Variants in DDI2 observed in about 807,000 individuals in gnomAD.
The protein encoded by DDI2 is DDI proteasomal shuttling factor 2.
In DDI2, 5 loss-of-function variants were observed where a neutral mutation model predicts 48.1. That is an observed-to-expected ratio of 0.10 (90% CI 0.05 to 0.22). The LOEUF is 0.22. Ranked by LOEUF, DDI2 falls within the 10% of genes least tolerant of loss-of-function variation. DDI2 has a pLI of 1.00. For synonymous variants in DDI2, 205 were observed against 183.6 expected (o/e 1.12, Z -0.94); for missense variants, 285 against 506.2 (o/e 0.56, Z 4.19).
rs1453524299 is a variant in DDI2 at position 15,668,883 on chromosome 1, A to G, written c.*9093A>G. On this transcript the variant is annotated 3_prime_UTR_variant, in exon 10 of 10. Transcript: ENST00000480945. The stretch of plus-strand genomic sequence containing the variant: ...ACCTGTCTGAAACTGAGTGAGCTAG[A>G]TGCATTTGGGTTTGAATTTTTGTCA... 1 of 152,218 alleles carries G rather than the reference A, an allele frequency of 6.6e-6. No homozygotes were observed. The highest frequency in any genetic ancestry group is 1.5e-5 in the Non-Finnish European group (1 of 68,042). 9.4% of individuals were successfully genotyped at this position (152,218 alleles called of 1,614,324 possible). A position where few individuals can be genotyped will look rare whatever the true frequency, so the allele number is the denominator to read the frequency against.
chr1:15,651,632 G>T (rs1640185170), intron 7 of DDI2, 74 bp from the exon 8 acceptor site: 1 of 1,428,756 alleles, frequency 7.0e-7, no homozygotes, highest in Non-Finnish European at 9.4e-7. Context: ...TGTGATTGGA[G>T]TTTTAAATTA....
chr1:15,623,717 T>G (rs1557611806), intron 1 of DDI2, among the ~76,000 whole-genome samples: 1 of 152,104 alleles, frequency 6.6e-6, no homozygotes, highest in Non-Finnish European at 1.5e-5. Context: ...AGGATCATTT[T>G]GATTCTCCTG....
intron 1 of DDI2, among the ~76,000 whole-genome samples, chr1:15,619,649 G>C (rs546347170): frequency 6.6e-6 from 1 of 150,642 alleles, no homozygotes; most frequent in South Asian, 2.1e-4. Context: ...TTTTAGTAGA[G>C]AAGGGGTTTC....
At chr1:15,640,966 C>T (rs931714528) in intron 5 of DDI2, among the ~76,000 whole-genome samples, 11 of 152,106 alleles carry the variant, frequency 7.2e-5, no homozygotes, top group Non-Finnish European at 2.9e-5. Flanking sequence ...GACCATTTTA[C>T]AGGAGGGTCA....
intron 1 of DDI2, among the ~76,000 whole-genome samples, chr1:15,618,504 T>A (rs1404301242): frequency 1.3e-5 from 2 of 152,184 alleles, no homozygotes; most frequent in African/African-American, 2.4e-5. Flanking sequence ...GAAGGCCCTT[T>A]TTCTTTCAGG....
chr1:15,623,386 TC>T (rs1433220859), intron 1 of DDI2, among the ~76,000 whole-genome samples: 1 of 132,132 alleles, frequency 7.6e-6, no homozygotes, highest in South Asian at 2.3e-4. Context: ...GTTTTCTTCT[TC>T]TTTTTTTTTT....
intron 3 of DDI2, among the ~76,000 whole-genome samples, chr1:15,633,217 C>T (rs1639875372): frequency 6.6e-6 from 1 of 152,118 alleles, no homozygotes; most frequent in South Asian, 2.1e-4. Flanking sequence ...GCATGAGCTA[C>T]CACACCCAGC....
chr1:15,633,391 C>T (rs3795762), intron 3 of DDI2, 48 bp from the exon 4 acceptor site: 5 of 1,597,928 alleles, frequency 3.1e-6, no homozygotes, highest in African/African-American at 1.3e-5. Context: ...TACTGATAAA[C>T]GTTGAAAATA....
At chr1:15,636,433 T>G (rs987740104) in intron 4 of DDI2, among the ~76,000 whole-genome samples, 1 of 152,054 alleles carries the variant, frequency 6.6e-6, no homozygotes, top group African/African-American at 2.4e-5. Context: ...GAGGTTTATT[T>G]TTTGTTTGTT....
intron 1 of DDI2, among the ~76,000 whole-genome samples, chr1:15,618,829 T>G (rs1639607882): frequency 6.6e-6 from 1 of 152,246 alleles, no homozygotes; most frequent in South Asian, 2.1e-4. Flanking sequence ...CTCCCAAGTC[T>G]CCATCAAGTA....
chr1:15,634,956 A>G (rs2103468098), intron 4 of DDI2, among the ~76,000 whole-genome samples: 1 of 152,284 alleles, frequency 6.6e-6, no homozygotes, highest in South Asian at 2.1e-4. Context: ...TACATTTGAA[A>G]TCAGAAATAC....
chr1:15,663,150 A>G lies in DDI2; in HGVS notation c.*3360A>G, dbSNP rs189186002. 1 of 152,310 alleles carries G rather than the reference A, an allele frequency of 6.6e-6. No homozygotes were observed. Among genetic ancestry groups the G allele is most frequent in the Admixed American group, 6.5e-5 (1 of 15,286 alleles). 9.4% of individuals were successfully genotyped at this position (152,310 alleles called of 1,614,324 possible). A position where few individuals can be genotyped will look rare whatever the true frequency, so the allele number is the denominator to read the frequency against. ...TTTGAGATTCATAATTTCTGATTCT[A>G]GATTATAGTTTGTAACATGTTTGAA... On this transcript the variant is annotated 3_prime_UTR_variant, in exon 10 of 10. Coordinates refer to ENST00000480945, the MANE Select transcript of DDI2 (RefSeq NM_032341.5).
chr1:15,650,511 A>G (rs1640160330), intron 7 of DDI2, among the ~76,000 whole-genome samples: 1 of 152,110 alleles, frequency 6.6e-6, no homozygotes, highest in Non-Finnish European at 1.5e-5. Context: ...TTGGGAGGCC[A>G]AGGAGGGAGG....
intron 6 of DDI2, 79 bp from the exon 7 acceptor site, chr1:15,649,641 A>C: frequency 2.1e-6 from 3 of 1,447,074 alleles, no homozygotes; most frequent in South Asian, 2.6e-5. Context: ...ATTGCACTCC[A>C]GCCTGGGCAA....
intron 5 of DDI2, among the ~76,000 whole-genome samples, chr1:15,638,651 C>T (rs955081778): frequency 2.6e-5 from 4 of 151,016 alleles, no homozygotes; most frequent in African/African-American, 7.3e-5. Flanking sequence ...TCTCCAGCCT[C>T]GGCCTCCCAC....
chr1:15,617,613 C>A lies in DDI2; in HGVS notation c.-58C>A, dbSNP rs1490025099. 7.8e-7 allele frequency: 1 copy of A among 1,278,628 alleles called. No individual in the cohort carries two copies. The highest frequency in any genetic ancestry group is 9.9e-7 in the Non-Finnish European group (1 of 1,006,224). The allele number at this position is 1,278,628 out of a possible 1,614,324, so 79.2% of individuals were successfully genotyped here. Reference sequence around the variant, plus strand: ...AGCCAGGCCACGCCGCCGCCTCTTCCCCTGCGCCCCGCGCCCAGGCCGGGC... The same window carrying A: ...AGCCAGGCCACGCCGCCGCCTCTTCACCTGCGCCCCGCGCCCAGGCCGGGC... On this transcript the variant is annotated 5_prime_UTR_variant, in exon 1 of 10. Transcript: ENST00000480945.
chr1:15,635,060 T>A (rs759940543), intron 4 of DDI2, among the ~76,000 whole-genome samples: 7 of 152,026 alleles, frequency 4.6e-5, no homozygotes, highest in Non-Finnish European at 8.8e-5. Context: ...AGACTCTGTC[T>A]TTACAAAAAA....
intron 1 of DDI2, among the ~76,000 whole-genome samples, chr1:15,624,983 G>A (rs1557612222): frequency 6.6e-6 from 1 of 151,986 alleles, no homozygotes; most frequent in Non-Finnish European, 1.5e-5. Context: ...GTATAATTGG[G>A]CCTACAAATT....
rs1640470455 is a variant in DDI2 at position 15,667,401 on chromosome 1, A to G, written c.*7611A>G. ...ACCAGTGACAGTCAGTCAATCCATCAGACCACCTCACATGCAGGGTAGAAA... is the reference window on the plus strand; with the variant it reads ...ACCAGTGACAGTCAGTCAATCCATCGGACCACCTCACATGCAGGGTAGAAA... On this transcript the variant is annotated 3_prime_UTR_variant, in exon 10 of 10. Transcript: ENST00000480945. 6.6e-6 allele frequency: 1 copy of G among 152,220 alleles called. No homozygotes were observed. Among genetic ancestry groups the G allele is most frequent in the African/African-American group, 2.4e-5 (1 of 41,460 alleles). 9.4% of individuals were successfully genotyped at this position (152,220 alleles called of 1,614,324 possible). A position where few individuals can be genotyped will look rare whatever the true frequency, so the allele number is the denominator to read the frequency against.
Sources: gnomAD v4.1 joint callset for allele counts (sites outside exome capture counted in the v4.1 genomes callset) on GRCh38, gnomAD v4.1.1 for gene constraint, MANE v1.5 for transcripts, NCBI Gene and HGNC (gene_info 2026-07-23, HGNC 2026-07-21) for gene names.